The following NTNG1 variants were observed in gnomAD, a reference collection of about 807,000 sequenced individuals.
NTNG1 encodes the protein netrin-G1.
In NTNG1, 16 loss-of-function variants were observed where a neutral mutation model predicts 54.0. That is an observed-to-expected ratio of 0.30 (90% CI 0.20 to 0.45). The LOEUF is 0.45. Among genes scored for constraint, NTNG1 ranks in the 20% least tolerant of loss-of-function variants. The pLI is 1.00. For missense variants in NTNG1, 530 were observed against 678.7 expected, an observed-to-expected ratio of 0.78 and a Z score of 2.43; for synonymous variants, 255 against 263.1, an observed-to-expected ratio of 0.97 and a Z score of 0.30.
At chr1:107,378,285 A>G (rs1671424047) in intron 3 of NTNG1, among the ~76,000 whole-genome samples, 1 of 152,182 alleles carries the variant, frequency 6.6e-6, no homozygotes, top group Admixed American at 6.5e-5. Context: ...ATGACCCTTG[A>G]GGATGTTTCT....
chr1:107,274,877 C>A (rs961573389), intron 2 of NTNG1, among the ~76,000 whole-genome samples: 3 of 152,188 alleles, frequency 2.0e-5, no homozygotes, highest in Admixed American at 2.0e-4. Context: ...TCAGCTTAGA[C>A]ACTTTTGTCT....
chr1:107,242,538 A>G (rs1379383735), intron 2 of NTNG1, among the ~76,000 whole-genome samples: 1 of 152,194 alleles, frequency 6.6e-6, no homozygotes, highest in Non-Finnish European at 1.5e-5. Context: ...AGATAATACC[A>G]TGTAAGATGT....
chr1:107,375,754 A>AT (rs913467594), intron 3 of NTNG1, among the ~76,000 whole-genome samples: 5 of 152,188 alleles, frequency 3.3e-5, no homozygotes, highest in African/African-American at 1.2e-4. Flanking sequence ...AATAAGCAGG[A>AT]TTTTTAGCTA....
intron 2 of NTNG1, among the ~76,000 whole-genome samples, chr1:107,176,914 C>T (rs1656689123): frequency 6.6e-6 from 1 of 152,126 alleles, no homozygotes; most frequent in Admixed American, 6.5e-5. Flanking sequence ...AGGTGGCTAT[C>T]CTGTATAGCA....
At chr1:107,163,962 T>C (rs1655589184) in intron 2 of NTNG1, among the ~76,000 whole-genome samples, 1 of 152,224 alleles carries the variant, frequency 6.6e-6, no homozygotes, top group South Asian at 2.1e-4. Flanking sequence ...ATTATCCATA[T>C]TATCCCCTTC....
intron 5 of NTNG1, among the ~76,000 whole-genome samples, chr1:107,429,232 CT>C (rs1254345027): frequency 1.3e-5 from 2 of 152,088 alleles, no homozygotes; most frequent in Admixed American, 1.3e-4. Flanking sequence ...GAGTATCCTC[CT>C]CTGCTTCTAT....
chr1:107,329,162 A>G (rs1668128714), intron 3 of NTNG1, among the ~76,000 whole-genome samples: 1 of 152,108 alleles, frequency 6.6e-6, no homozygotes, highest in African/African-American at 2.4e-5. Context: ...GAAGCCTTGG[A>G]ATATTAGCAC....
chr1:107,310,464 T>C (rs962207932), intron 2 of NTNG1, among the ~76,000 whole-genome samples: 2 of 152,120 alleles, frequency 1.3e-5, no homozygotes, highest in African/African-American at 4.8e-5. Flanking sequence ...TTAATTTACT[T>C]TGGTTCATGA....
At chr1:107,164,557 A>G (rs1427788718) in intron 2 of NTNG1, among the ~76,000 whole-genome samples, 2 of 152,222 alleles carry the variant, frequency 1.3e-5, no homozygotes, top group African/African-American at 4.8e-5. Flanking sequence ...AGAGAGAAAT[A>G]CTTAAATAAG....
chr1:107,401,966 C>T (rs1673068446), intron 4 of NTNG1, among the ~76,000 whole-genome samples: 1 of 151,998 alleles, frequency 6.6e-6, no homozygotes, highest in African/African-American at 2.4e-5. Flanking sequence ...CAGTGCCAGC[C>T]ACGTAGTAAG....
chr1:107,345,965 C>G (rs930706116), intron 3 of NTNG1, among the ~76,000 whole-genome samples: 5 of 152,066 alleles, frequency 3.3e-5, no homozygotes, highest in Non-Finnish European at 7.4e-5. Flanking sequence ...TTCCTTCAGG[C>G]CCTAATGTAT....
intron 2 of NTNG1, among the ~76,000 whole-genome samples, chr1:107,311,379 G>T (rs1232478964): frequency 6.6e-6 from 1 of 152,066 alleles, no homozygotes; most frequent in East Asian, 1.9e-4. Flanking sequence ...TTTGACTGAT[G>T]GAGAAAAATG....
intron 7 of NTNG1, among the ~76,000 whole-genome samples, chr1:107,480,040 G>A (rs574920318): frequency 6.6e-6 from 1 of 151,852 alleles, no homozygotes; most frequent in South Asian, 2.1e-4. Flanking sequence ...CCATCTGGCT[G>A]CCGCCTGCCT....
intron 3 of NTNG1, among the ~76,000 whole-genome samples, chr1:107,326,223 CA>C (rs1449278654): frequency 6.6e-6 from 1 of 152,026 alleles, no homozygotes; most frequent in Non-Finnish European, 1.5e-5. Context: ...TCATGTTCCT[CA>C]TGGAAGAATC....
In NTNG1 at chr1:107,431,052, T is replaced by G. The variant is rs139140567; in HGVS notation, c.1255+135T>G. On this transcript the variant is annotated intron_variant, in intron 6 of 7. Transcript: ENST00000370068. ...TCTCAATGTAGAAAATATCCTATGG[T>G]AGATTTCACTTGTGATTTCACTTGT... 348 of 733,918 alleles carry G rather than the reference T, an allele frequency of 4.7e-4. 3 individuals are homozygous for G. The African/African-American group carries it at 5.4e-3, about 11-fold the overall frequency. The allele number at this position is 733,918 out of a possible 1,614,324, so 45.5% of individuals were successfully genotyped here. A position where few individuals can be genotyped will look rare whatever the true frequency, so the allele number is the denominator to read the frequency against.
intron 3 of NTNG1, among the ~76,000 whole-genome samples, chr1:107,361,079 T>C (rs1670235660): frequency 6.8e-6 from 1 of 147,864 alleles, no homozygotes; most frequent in Non-Finnish European, 1.5e-5. Flanking sequence ...AGGCAAAAGA[T>C]CTTTGAAATG....
At position 107,316,833 on chromosome 1, in the gene NTNG1, A is replaced by G. The variant is rs1667364795; in HGVS notation, c.247-7449A>G. On this transcript the variant is annotated intron_variant, in intron 2 of 7. Transcript: ENST00000370068. ...CTTGTATTATGTTATGTTCTTCACA[A>G]TGTTTTCAACACAGTAGATATCCAA... Among the ~76,000 whole-genome samples the G allele has an allele frequency of 5.3e-5, 8 of 152,280 alleles. No individual in the cohort carries two copies. The South Asian group carries it at 1.5e-3, about 28-fold the overall frequency.
chr1:107,342,898 G>A (rs1668982556), intron 3 of NTNG1, among the ~76,000 whole-genome samples: 1 of 152,008 alleles, frequency 6.6e-6, no homozygotes. Context: ...TGCTAACATG[G>A]ATAAGACACA....
intron 7 of NTNG1, among the ~76,000 whole-genome samples, chr1:107,441,117 C>T (rs1675934082): frequency 6.6e-6 from 1 of 152,016 alleles, no homozygotes; most frequent in South Asian, 2.1e-4. Flanking sequence ...ATTGAGCCTT[C>T]TACATAGGAA....
Sources: allele counts gnomAD v4.1 joint callset (sites outside exome capture counted in the v4.1 genomes callset), GRCh38; gene constraint gnomAD v4.1.1; transcripts MANE v1.5; gene names NCBI Gene and HGNC (gene_info 2026-07-23, HGNC 2026-07-21).